TDRP: variants seen among roughly 807,000 people sequenced by gnomAD.
TDRP encodes the protein testis development related protein, also known as testis development-related protein.
TDRP carries 12 observed loss-of-function variants against 10.5 expected under a neutral mutation model. That is an observed-to-expected ratio of 1.15 (90% CI 0.73 to 1.86). TDRP has a LOEUF of 1.86. TDRP is among the 40% of genes most tolerant of loss of function. The pLI, the probability that TDRP is intolerant of heterozygous loss-of-function variation, is 0.00. For missense variants in TDRP, 353 were observed against 229.2 expected, an observed-to-expected ratio of 1.54 and a Z score of -3.49; for synonymous variants, 139 against 95.4, an observed-to-expected ratio of 1.46 and a Z score of -2.67.
At chr8:528,334 A>G (rs1335385677) in intron 1 of TDRP, among the ~76,000 whole-genome samples, 1 of 152,210 alleles carries the variant, frequency 6.6e-6, no homozygotes, top group South Asian at 2.1e-4. Context: ...TACAGCCACT[A>G]TGGAGAACAG....
At chr8:543,366 A>G (rs1457116398) in intron 1 of TDRP, among the ~76,000 whole-genome samples, 2 of 152,176 alleles carry the variant, frequency 1.3e-5, no homozygotes, top group Admixed American at 6.5e-5. Context: ...ATTCATTAGG[A>G]AAAATGGGAG....
chr8:494,420 A>G (rs1326017282), intron 2 of TDRP, 74 bp downstream of exon 2: 8 of 1,458,440 alleles, frequency 5.5e-6, no homozygotes, highest in Non-Finnish European at 6.7e-6. Flanking sequence ...ATGCCATCAA[A>G]TCTTCATTTC....
At chr8:500,514 C>T (rs1801261513) in intron 1 of TDRP, among the ~76,000 whole-genome samples, 1 of 152,214 alleles carries the variant, frequency 6.6e-6, no homozygotes, top group African/African-American at 2.4e-5. Flanking sequence ...AAGAGATCCT[C>T]ATCTAACCAA....
At chr8:523,656 G>A (rs961949719) in intron 1 of TDRP, among the ~76,000 whole-genome samples, 17 of 152,174 alleles carry the variant, frequency 1.1e-4, no homozygotes, top group African/African-American at 3.9e-4. Flanking sequence ...GCAATAGCCT[G>A]GCAATACTCT....
intron 1 of TDRP, among the ~76,000 whole-genome samples, chr8:495,874 C>T (rs1801114966): frequency 6.6e-6 from 1 of 152,174 alleles, no homozygotes; most frequent in Non-Finnish European, 1.5e-5. Flanking sequence ...AGAGATGACC[C>T]TGAAAACTAA....
At chr8:515,435 T>G (rs1801731912) in intron 1 of TDRP, among the ~76,000 whole-genome samples, 1 of 152,210 alleles carries the variant, frequency 6.6e-6, no homozygotes, top group South Asian at 2.1e-4. Flanking sequence ...TTCAGATATT[T>G]TGGGATTTTG....
At chr8:507,034 G>A (rs1475994756) in intron 1 of TDRP, among the ~76,000 whole-genome samples, 1 of 152,180 alleles carries the variant, frequency 6.6e-6, no homozygotes, top group African/African-American at 2.4e-5. Context: ...TGGCTGGGAA[G>A]CTTTGGGAAA....
intron 1 of TDRP, among the ~76,000 whole-genome samples, chr8:536,071 C>A (rs1362611283): frequency 2.6e-5 from 4 of 152,196 alleles, no homozygotes; most frequent in Non-Finnish European, 5.9e-5. Context: ...GGGTTTTAAA[C>A]TCTCAGGAAT....
intron 1 of TDRP, among the ~76,000 whole-genome samples, chr8:514,302 T>A (rs11780612): frequency 0.09 from 13,665 of 152,216 alleles, 676 homozygotes; most frequent in African/African-American, 0.12. Flanking sequence ...AATAAACCCA[T>A]ACATATAAGG....
Position 495,246 on chromosome 8 carries a change from A to G in TDRP, c.109-649T>C, listed in dbSNP as rs777838443. Among the ~76,000 whole-genome samples, 91 of 152,050 alleles carry G rather than the reference A, an allele frequency of 6.0e-4. 1 individual carries two copies. Among genetic ancestry groups the G allele is most frequent in the Non-Finnish European group, 2.1e-4 (14 of 68,008 alleles). ...AAGACCCCATCTCAAAAAACAAACA[A>G]CAGCAACAACAACAAAACACATAGG... On this transcript the variant is annotated intron_variant, in intron 1 of 2. Coordinates refer to ENST00000324079, the MANE Select transcript of TDRP (RefSeq NM_001384899.1).
intron 1 of TDRP, among the ~76,000 whole-genome samples, chr8:540,630 G>C (rs1475062056): frequency 1.3e-5 from 2 of 151,998 alleles, no homozygotes; most frequent in South Asian, 2.1e-4. Flanking sequence ...ATACAAAATA[G>C]ATGTGTATTT....
intron 1 of TDRP, among the ~76,000 whole-genome samples, chr8:517,373 GGA>G (rs1158585421): frequency 6.6e-6 from 1 of 152,184 alleles, no homozygotes; most frequent in African/African-American, 2.4e-5. Context: ...TCCTGAACAA[GGA>G]GAGATTAAAC....
intron 1 of TDRP, among the ~76,000 whole-genome samples, chr8:514,122 G>T (rs576422736): frequency 2.6e-5 from 4 of 152,128 alleles, no homozygotes; most frequent in Admixed American, 2.0e-4. Flanking sequence ...AATAACAGGG[G>T]ATTCAAGCCA....
At chr8:501,343 A>G (rs1801293807) in intron 1 of TDRP, among the ~76,000 whole-genome samples, 1 of 151,554 alleles carries the variant, frequency 6.6e-6, no homozygotes, top group African/African-American at 2.4e-5. Flanking sequence ...TTCCTGGTAT[A>G]CTTCTTTTGT....
rs17813338 is a variant in TDRP, at chr8:492,755, T to C, written c.213-11A>G. ...AATCGTAAGTTAGTTCTATAGGAGA[T>C]GAAAGAGTTAGGTGTTGGTGACCCA... On this transcript the variant is annotated splice_polypyrimidine_tract_variant and intron_variant, in intron 2 of 2. Transcript: ENST00000324079. The C allele has an allele frequency of 0.1, 157,184 of 1,578,262 alleles. 8,723 individuals carry two copies. The highest frequency in any genetic ancestry group is 0.18 in the East Asian group (7,799 of 44,082).
In TDRP at chr8:491,282, A is replaced by G. The variant is rs925272256; in HGVS notation, c.*1117T>C. On this transcript the variant is annotated 3_prime_UTR_variant, in exon 3 of 3. Transcript: ENST00000324079. ...TGGAGGTTTTATTTTACTTTTAAAC[A>G]AAAAAGAAAAATATACCTTTTCTTT... 2 of 220,748 alleles carry G rather than the reference A, an allele frequency of 9.1e-6. No homozygotes were observed. The highest frequency in any genetic ancestry group is 4.5e-5 in the African/African-American group (2 of 44,326). The allele number at this position is 220,748 out of a possible 1,614,324, so 13.7% of individuals were successfully genotyped here. A position where few individuals can be genotyped will look rare whatever the true frequency, so the allele number is the denominator to read the frequency against.
intron 1 of TDRP, among the ~76,000 whole-genome samples, chr8:502,323 G>T (rs963135449): frequency 6.6e-6 from 1 of 152,172 alleles, no homozygotes; most frequent in South Asian, 2.1e-4. Flanking sequence ...CAAACTGTGA[G>T]ACCAAATCCC....
At chr8:538,258 C>A (rs1802396503) in intron 1 of TDRP, among the ~76,000 whole-genome samples, 1 of 152,126 alleles carries the variant, frequency 6.6e-6, no homozygotes, top group African/African-American at 2.4e-5. Context: ...AGAACTCAGA[C>A]ATCAAGGCCA....
intron 1 of TDRP, among the ~76,000 whole-genome samples, chr8:534,097 A>G (rs909567809): frequency 4.9e-4 from 74 of 152,326 alleles, no homozygotes; most frequent in Non-Finnish European, 9.7e-4. Flanking sequence ...GTCATAACCT[A>G]TAAGGTAAGA....
Sources: allele counts gnomAD v4.1 joint callset (sites outside exome capture counted in the v4.1 genomes callset), GRCh38; gene constraint gnomAD v4.1.1; transcripts MANE v1.5; gene names NCBI Gene and HGNC (gene_info 2026-07-23, HGNC 2026-07-21).